Variants in TENM2 observed in about 807,000 individuals in gnomAD.
TENM2 encodes the protein teneurin-2.
A neutral mutation model predicts 245.2 loss-of-function variants in TENM2; 52 were observed. The observed-to-expected ratio is 0.21, with a 90% CI of 0.17 to 0.27. The LOEUF is 0.27. Ranked by LOEUF, TENM2 falls within the 10% of genes least tolerant of loss-of-function variation. TENM2 has a pLI of 1.00. For missense variants in TENM2, 3,046 were observed against 3,666.8 expected, an observed-to-expected ratio of 0.83 and a Z score of 4.37; for synonymous variants, 1,363 against 1,438.9, an observed-to-expected ratio of 0.95 and a Z score of 1.19.
chr5:167,885,581 A>T (rs1019829621), intron 3 of TENM2, among the ~76,000 whole-genome samples: 3 of 152,206 alleles, frequency 2.0e-5, no homozygotes, highest in African/African-American at 7.2e-5. Flanking sequence ...TGACAAGAAG[A>T]CCACACCATG....
At chr5:167,630,725 G>T (rs1778811022) in intron 2 of TENM2, among the ~76,000 whole-genome samples, 1 of 152,108 alleles carries the variant, frequency 6.6e-6, no homozygotes, top group South Asian at 2.1e-4. Flanking sequence ...TATATTTAAA[G>T]CCAAACTGGA....
At chr5:167,061,334 A>C in the TENM2 span, among the ~76,000 whole-genome samples, 1 of 152,216 alleles carries the variant, frequency 6.6e-6, no homozygotes, top group African/African-American at 2.4e-5. Context: ...TGTGGTTTGC[A>C]AGGGTAACAC....
chr5:168,254,765 A>G (rs1767493525), intron 27 of TENM2, among the ~76,000 whole-genome samples: 1 of 152,154 alleles, frequency 6.6e-6, no homozygotes, highest in Non-Finnish European at 1.5e-5. Flanking sequence ...AGGCCTTCTC[A>G]GCCAGTTGCG....
chr5:167,754,728 CAAA>C (rs10663941), intron 2 of TENM2, among the ~76,000 whole-genome samples: 1 of 145,166 alleles, frequency 6.9e-6, no homozygotes, highest in Non-Finnish European at 1.5e-5. Context: ...AGAGATATTT[CAAA>C]AAAAAAAAAA....
intron 6 of TENM2, among the ~76,000 whole-genome samples, chr5:168,055,457 C>A (rs1396186987): frequency 6.6e-6 from 1 of 152,186 alleles, no homozygotes; most frequent in Non-Finnish European, 1.5e-5. Context: ...AGAGAATGAA[C>A]TGGTGATGCA....
chr5:167,093,361 C>G, the TENM2 span, among the ~76,000 whole-genome samples: 64 of 152,220 alleles, frequency 4.2e-4, no homozygotes, highest in Non-Finnish European at 7.8e-4. Context: ...GCCAGGTTGT[C>G]TTTGTATGAG....
chr5:167,927,486 C>T (rs965108963), intron 3 of TENM2, among the ~76,000 whole-genome samples: 6 of 152,136 alleles, frequency 3.9e-5, no homozygotes, highest in East Asian at 1.9e-4. Context: ...GGGACACCAA[C>T]GGGGCTTATG....
the TENM2 span, among the ~76,000 whole-genome samples, chr5:167,188,086 AT>A: frequency 1.3e-5 from 2 of 152,184 alleles, no homozygotes; most frequent in South Asian, 4.1e-4. Context: ...TGTTGCATTA[AT>A]TTATTCATCC....
At position 168,244,294 on chromosome 5, in the gene TENM2, C is replaced by A; in HGVS notation, c.5521-126C>A. 1.2e-6 allele frequency: 1 copy of A among 806,646 alleles called. No homozygotes were observed. 50.0% of individuals were successfully genotyped at this position (806,646 alleles called of 1,614,324 possible). ...AGGAGCTTAGAAAGCACTACTCTAA[C>A]TTTGGGGTTATTTCTTCCTCCAGTG... On this transcript the variant is annotated intron_variant, in intron 25 of 28. Coordinates refer to ENST00000518659, the Ensembl canonical transcript of TENM2. The surrounding 1 kb of genome is among the most constrained non-coding windows in gnomAD (Gnocchi z 4.9).
chr5:167,898,607 G>A (rs1775437555), intron 3 of TENM2, among the ~76,000 whole-genome samples: 1 of 152,138 alleles, frequency 6.6e-6, no homozygotes, highest in Non-Finnish European at 1.5e-5. Flanking sequence ...AAGAGGAGCT[G>A]GGGGAGAGAG....
chr5:168,115,504 C>T (rs763163139), intron 9 of TENM2, among the ~76,000 whole-genome samples: 4 of 151,836 alleles, frequency 2.6e-5, no homozygotes, highest in African/African-American at 7.3e-5. Context: ...TACTTTCTAC[C>T]ATCCTCCACC....
At chr5:168,083,455 G>A (rs535955000) in intron 7 of TENM2, among the ~76,000 whole-genome samples, 33 of 152,330 alleles carry the variant, frequency 2.2e-4, no homozygotes, top group Non-Finnish European at 4.1e-4. Flanking sequence ...TGCACCCACT[G>A]TCTGACAAGC....
chr5:167,832,099 A>G (rs1320932401), intron 2 of TENM2, among the ~76,000 whole-genome samples: 1 of 152,234 alleles, frequency 6.6e-6, no homozygotes, highest in Non-Finnish European at 1.5e-5. Context: ...ACCAAATCCA[A>G]TAACTAACTG....
At position 167,934,973 on chromosome 5, in the gene TENM2, G is replaced by A. The variant is rs994230290; in HGVS notation, c.713-17615G>A. 7.4e-6 allele frequency: 7 copies of A among 948,494 alleles called. No homozygotes were observed. In the African/African-American group the frequency reaches 1.2e-4, roughly 17 times the overall value. 58.8% of individuals were successfully genotyped at this position (948,494 alleles called of 1,614,324 possible). A position where few individuals can be genotyped will look rare whatever the true frequency, so the allele number is the denominator to read the frequency against. On this transcript the variant is annotated intron_variant, in intron 3 of 28. Coordinates refer to ENST00000518659, the Ensembl canonical transcript of TENM2. ...TTTCTGAGACTGGAAGCAAAGAAAG[G>A]GGGTGGGAAAGAAAACAGTAGGTGT...
chr5:167,312,807 G>A (rs1756117100), intron 1 of TENM2, among the ~76,000 whole-genome samples: 1 of 151,662 alleles, frequency 6.6e-6, no homozygotes. Context: ...AAACTGCAGT[G>A]TTCTCGGAGG....
At chr5:167,519,106 A>G (rs1232404956) in intron 2 of TENM2, among the ~76,000 whole-genome samples, 1 of 152,154 alleles carries the variant, frequency 6.6e-6, no homozygotes, top group Admixed American at 6.6e-5. Flanking sequence ...ACTACAGACC[A>G]TAGTAATTTC....
chr5:167,202,736 C>T, the TENM2 span, among the ~76,000 whole-genome samples: 10 of 152,228 alleles, frequency 6.6e-5, no homozygotes, highest in East Asian at 1.9e-4. Context: ...TAAACTATAA[C>T]GTGCACTCTG....
intron 2 of TENM2, chr5:167,755,298 A>C: frequency 1.3e-6 from 1 of 759,950 alleles, no homozygotes; most frequent in South Asian, 2.1e-5. Context: ...ACCAAGGGAG[A>C]GATGGGAGAC....
At chr5:167,770,211 G>A (rs1360962545) in intron 2 of TENM2, among the ~76,000 whole-genome samples, 3 of 152,214 alleles carry the variant, frequency 2.0e-5, no homozygotes, top group Non-Finnish European at 4.4e-5. Flanking sequence ...AGGATTGGAA[G>A]AGGGAGTGAT....
Sources: allele counts gnomAD v4.1 joint callset (sites outside exome capture counted in the v4.1 genomes callset), GRCh38; gene constraint gnomAD v4.1.1; non-coding constraint Gnocchi (gnomAD v3.1); transcripts MANE v1.5; gene names NCBI Gene and HGNC (gene_info 2026-07-23, HGNC 2026-07-21).